The following SKIC3 variants were observed in gnomAD, a reference collection of about 807,000 sequenced individuals.
The protein encoded by SKIC3 is superkiller complex protein 3.
At chr5:95,534,807 C>A in the SKIC3 span, among the ~76,000 whole-genome samples, 1 of 152,162 alleles carries the variant, frequency 6.6e-6, no homozygotes, top group Non-Finnish European at 1.5e-5. Flanking sequence ...AACCATTCCA[C>A]GTCATTTTCA....
At chr5:95,518,484 T>G in the SKIC3 span, among the ~76,000 whole-genome samples, 1 of 151,842 alleles carries the variant, frequency 6.6e-6, no homozygotes, top group African/African-American at 2.4e-5. Flanking sequence ...CAGCTTCTAG[T>G]ATCCTCTGTT....
chr5:95,518,519 A>T, the SKIC3 span, among the ~76,000 whole-genome samples: 1 of 149,406 alleles, frequency 6.7e-6, no homozygotes, highest in Non-Finnish European at 1.5e-5. Context: ...TATGAGATCA[A>T]TTTTTTTTTT....
At chr5:95,470,398 G>A in the SKIC3 span, among the ~76,000 whole-genome samples, 1 of 152,016 alleles carries the variant, frequency 6.6e-6, no homozygotes, top group Non-Finnish European at 1.5e-5. Flanking sequence ...TATAAAATGG[G>A]GTAGACTGGG....
At chr5:95,528,130 A>AG in the SKIC3 span, 3 of 1,613,830 alleles carry the variant, frequency 1.9e-6, no homozygotes, top group Non-Finnish European at 2.5e-6. Context: ...CAGACGCACC[A>AG]AGATTATCTA....
At chr5:95,475,987 GC>G in the SKIC3 span, among the ~76,000 whole-genome samples, 1 of 152,208 alleles carries the variant, frequency 6.6e-6, no homozygotes, top group Non-Finnish European at 1.5e-5. Context: ...CTTAGGGGAA[GC>G]CCCCTCTGAT....
chr5:95,541,310 G>A, the SKIC3 span: 1 of 1,613,308 alleles, frequency 6.2e-7, no homozygotes, highest in African/African-American at 1.3e-5. Flanking sequence ...CCAACCTCTA[G>A]GTGTTTCTTT....
At chr5:95,530,594 G>T in the SKIC3 span, among the ~76,000 whole-genome samples, 1 of 152,042 alleles carries the variant, frequency 6.6e-6, no homozygotes, top group African/African-American at 2.4e-5. Flanking sequence ...TTCTCTTCCT[G>T]GGCAACCATG....
At chr5:95,531,310 T>C in the SKIC3 span, among the ~76,000 whole-genome samples, 1 of 152,164 alleles carries the variant, frequency 6.6e-6, no homozygotes, top group African/African-American at 2.4e-5. Context: ...GAATTAATAA[T>C]GGCTAAAGAG....
chr5:95,529,696 G>A, the SKIC3 span, among the ~76,000 whole-genome samples: 1 of 152,080 alleles, frequency 6.6e-6, no homozygotes, highest in Non-Finnish European at 1.5e-5. Context: ...GGTTCTTCCA[G>A]AAACATCATA....
At chr5:95,471,058 G>A in the SKIC3 span, among the ~76,000 whole-genome samples, 1 of 152,092 alleles carries the variant, frequency 6.6e-6, no homozygotes, top group South Asian at 2.1e-4. Context: ...ATCTCTGAGT[G>A]CAGTATAGGC....
At chr5:95,533,917 TTC>T in the SKIC3 span, among the ~76,000 whole-genome samples, 1 of 152,206 alleles carries the variant, frequency 6.6e-6, no homozygotes, top group African/African-American at 2.4e-5. Context: ...TGAGAAAGCA[TTC>T]TGTCAGTCCT....
At chr5:95,473,925 T>C in the SKIC3 span, among the ~76,000 whole-genome samples, 3 of 152,228 alleles carry the variant, frequency 2.0e-5, no homozygotes, top group Non-Finnish European at 4.4e-5. Context: ...GTCCCACTTG[T>C]CAATTTTTGT....
At chr5:95,523,057 T>C in the SKIC3 span, 3 of 1,135,940 alleles carry the variant, frequency 2.6e-6, no homozygotes, top group East Asian at 2.5e-5. Flanking sequence ...TCCACTGCCC[T>C]GCAAACAATA....
the SKIC3 span, chr5:95,528,929 CTT>C: frequency 2.3e-6 from 3 of 1,298,394 alleles, no homozygotes; most frequent in South Asian, 2.5e-5. Context: ...AAATCACTAT[CTT>C]TGTCCTTTAA....
chr5:95,541,928 A>ATT, the SKIC3 span: 2 of 1,495,658 alleles, frequency 1.3e-6, no homozygotes, highest in Non-Finnish European at 1.9e-6. Context: ...AGTACTCATG[A>ATT]TTATTCTTTT....
chr5:95,470,721 A>C, the SKIC3 span, among the ~76,000 whole-genome samples: 2 of 152,122 alleles, frequency 1.3e-5, no homozygotes, highest in African/African-American at 2.4e-5. Flanking sequence ...ACTTTTTAAA[A>C]ATTTTACTTT....
chr5:95,547,148 C>T, the SKIC3 span: 7 of 1,612,590 alleles, frequency 4.3e-6, no homozygotes, highest in African/African-American at 1.3e-5. Flanking sequence ...CCTTGCTGGA[C>T]ATTCTGTCAA....
the SKIC3 span, among the ~76,000 whole-genome samples, chr5:95,535,553 G>A: frequency 2.7e-5 from 4 of 150,346 alleles, no homozygotes; most frequent in South Asian, 2.1e-4. Flanking sequence ...CTCGTGATCC[G>A]CCTGCCTCGG....
the SKIC3 span, among the ~76,000 whole-genome samples, chr5:95,500,769 T>C: frequency 1.3e-5 from 2 of 152,188 alleles, no homozygotes; most frequent in Admixed American, 1.3e-4. Flanking sequence ...TTCATTTAAA[T>C]GACCTTATAT....
Sources: allele counts gnomAD v4.1 joint callset (sites outside exome capture counted in the v4.1 genomes callset), GRCh38; gene constraint gnomAD v4.1.1; transcripts MANE v1.5; gene names NCBI Gene and HGNC (gene_info 2026-07-23, HGNC 2026-07-21).